Variants in ZSCAN25 observed in about 807,000 individuals in gnomAD.
ZSCAN25 encodes the protein zinc finger and SCAN domain-containing protein 25.
In ZSCAN25, 27 loss-of-function variants were observed where a neutral mutation model predicts 38.7. The observed-to-expected ratio is 0.70, with a 90% CI of 0.51 to 0.96. The LOEUF is 0.96. ZSCAN25 is among the 40% of genes least tolerant of loss of function. ZSCAN25 has a pLI of 0.00. For missense variants in ZSCAN25, 637 were observed against 705.9 expected, an observed-to-expected ratio of 0.90 and a Z score of 1.11; for synonymous variants, 273 against 277.7, an observed-to-expected ratio of 0.98 and a Z score of 0.17.
At chr7:99,722,550 T>C in the ZSCAN25 span, among the ~76,000 whole-genome samples, 3 of 152,290 alleles carry the variant, frequency 2.0e-5, no homozygotes, top group Non-Finnish European at 2.9e-5. Flanking sequence ...TCTTGAATTT[T>C]CTTTAAGTGT....
downstream of ZSCAN25, among the ~76,000 whole-genome samples, chr7:99,634,382 G>A (rs894731301): frequency 1.3e-5 from 2 of 152,228 alleles, no homozygotes; most frequent in Non-Finnish European, 2.9e-5. Context: ...AGCCAGGTGC[G>A]GTGGCTCACG....
chr7:99,694,080 A>G, the ZSCAN25 span, among the ~76,000 whole-genome samples: 2 of 152,330 alleles, frequency 1.3e-5, no homozygotes, highest in African/African-American at 4.8e-5. Context: ...TGTGTAAACT[A>G]GGTAACTCCT....
At chr7:99,708,891 T>A in the ZSCAN25 span, 103 of 967,050 alleles carry the variant, frequency 1.1e-4, no homozygotes, top group Non-Finnish European at 8.9e-5. Context: ...AGTGTGACAA[T>A]GATCAATTTC....
chr7:99,642,782 GA>G, the ZSCAN25 span, among the ~76,000 whole-genome samples: 1 of 152,166 alleles, frequency 6.6e-6, no homozygotes, highest in African/African-American at 2.4e-5. Flanking sequence ...TCAGCTGTGT[GA>G]AAGTAGAAAC....
chr7:99,689,956 G>A, the ZSCAN25 span, among the ~76,000 whole-genome samples: 5 of 152,258 alleles, frequency 3.3e-5, no homozygotes, highest in Admixed American at 1.3e-4. Context: ...CTACTTTAAA[G>A]TTCATATGGA....
chr7:99,698,233 T>A, the ZSCAN25 span, among the ~76,000 whole-genome samples: 1 of 152,230 alleles, frequency 6.6e-6, no homozygotes, highest in African/African-American at 2.4e-5. Flanking sequence ...GCTAAGGCAT[T>A]GTCTGCCTGG....
the ZSCAN25 span, among the ~76,000 whole-genome samples, chr7:99,698,238 G>A: frequency 3.9e-5 from 6 of 152,320 alleles, no homozygotes; most frequent in African/African-American, 9.6e-5. Flanking sequence ...GGCATTGTCT[G>A]CCTGGCTGCC....
At chr7:99,702,910 T>C in the ZSCAN25 span, among the ~76,000 whole-genome samples, 7 of 152,240 alleles carry the variant, frequency 4.6e-5, no homozygotes, top group Non-Finnish European at 8.8e-5. Context: ...TGTGTCTTCT[T>C]CAATTTCCTT....
the ZSCAN25 span, among the ~76,000 whole-genome samples, chr7:99,697,191 A>G: frequency 6.6e-6 from 1 of 152,174 alleles, no homozygotes; most frequent in Non-Finnish European, 1.5e-5. Flanking sequence ...GCCTCTGCAC[A>G]TCAAGTATCT....
chr7:99,642,703 A>T, the ZSCAN25 span, among the ~76,000 whole-genome samples: 1 of 152,204 alleles, frequency 6.6e-6, no homozygotes, highest in Non-Finnish European at 1.5e-5. Context: ...TTTTCTTTGT[A>T]GCCCTTACCA....
At position 99,629,317 on chromosome 7, in the gene ZSCAN25, A is replaced by G; in HGVS notation, c.932A>G (p.Glu311Gly). Residue 311 changes from glutamate to glycine, a missense_variant, in exon 8 of 8, where the codon GAG becomes GGG. Physicochemically the swap from Glu to Gly is moderately conservative, Grantham distance 98. Transcript: ENST00000394152. This position sits in a 1 kb window ranked among gnomAD's most constrained non-coding sequence, Gnocchi z 5.6. ...LQGPGLGRVC[E>G]QEPGGPAGSA... Reference sequence around the variant, plus strand: ...GGCCCTGGGCTCGGAAGGGTCTGTGAGCAGGAGCCTGGTGGCCCTGCAGGC... The same window carrying G: ...GGCCCTGGGCTCGGAAGGGTCTGTGGGCAGGAGCCTGGTGGCCCTGCAGGC... 6.2e-7 allele frequency: 1 copy of G among 1,614,154 alleles called. No homozygotes were observed. The highest frequency in any genetic ancestry group is 8.5e-7 in the Non-Finnish European group (1 of 1,180,034).
the ZSCAN25 span, chr7:99,679,775 T>TAGC: frequency 6.3e-7 from 1 of 1,575,946 alleles, no homozygotes; most frequent in East Asian, 2.2e-5. Context: ...GGGGCCCGAT[T>TAGC]AGCACCCCAA....
the ZSCAN25 span, chr7:99,710,707 CCTT>C: frequency 6.2e-7 from 1 of 1,613,706 alleles, no homozygotes; most frequent in South Asian, 1.1e-5. Context: ...CCTCCTCCCT[CCTT>C]CTCCATGTAC....
chr7:99,708,119 C>T, the ZSCAN25 span: 5 of 1,127,800 alleles, frequency 4.4e-6, no homozygotes, highest in East Asian at 5.0e-5. Flanking sequence ...TCCTGCTATG[C>T]ATATTTTGCT....
the ZSCAN25 span, among the ~76,000 whole-genome samples, chr7:99,698,173 T>C: frequency 6.6e-6 from 1 of 152,222 alleles, no homozygotes; most frequent in Admixed American, 6.5e-5. Flanking sequence ...AAGGAGGGCA[T>C]GGTCTACACT....
chr7:99,707,923 A>G, the ZSCAN25 span: 1 of 1,614,052 alleles, frequency 6.2e-7, no homozygotes, highest in Non-Finnish European at 8.5e-7. Flanking sequence ...GTCCACTTCC[A>G]AAGGGTGTGT....
chr7:99,716,615 C>A, the ZSCAN25 span, among the ~76,000 whole-genome samples: 4 of 152,162 alleles, frequency 2.6e-5, no homozygotes, highest in African/African-American at 4.8e-5. Context: ...ACCTGTTGTT[C>A]CTGCATAAGT....
the ZSCAN25 span, among the ~76,000 whole-genome samples, chr7:99,657,139 T>C: frequency 1.3e-5 from 2 of 152,256 alleles, no homozygotes; most frequent in Admixed American, 1.3e-4. Context: ...TGAATGTGTT[T>C]GCTCCTGCTT....
chr7:99,662,465 G>A, the ZSCAN25 span, among the ~76,000 whole-genome samples: 2 of 152,194 alleles, frequency 1.3e-5, no homozygotes, highest in African/African-American at 2.4e-5. The surrounding 1 kb of genome is among the most constrained non-coding windows in gnomAD (Gnocchi z 4.3). Flanking sequence ...CTGGGATAGT[G>A]TGCTTCCTGA....
Sources: gnomAD v4.1 joint callset for allele counts (sites outside exome capture counted in the v4.1 genomes callset) on GRCh38, gnomAD v4.1.1 for gene constraint, Gnocchi (gnomAD v3.1) non-coding constraint, MANE v1.5 for transcripts, NCBI Gene and HGNC (gene_info 2026-07-23, HGNC 2026-07-21) for gene names.